Variants in EXT2 observed in about 807,000 individuals in gnomAD.
EXT2 encodes exostosin glycosyltransferase 2, also known as exostosin-2.
EXT2 carries 53 observed loss-of-function variants against 81.6 expected under a neutral mutation model. The observed-to-expected ratio is 0.65, with a 90% CI of 0.52 to 0.82. EXT2 has a LOEUF of 0.82. Ranked by LOEUF, EXT2 falls within the 40% of genes least tolerant of loss-of-function variation. EXT2 has a pLI of 0.00. For missense variants in EXT2, 774 were observed against 910.2 expected, an observed-to-expected ratio of 0.85 and a Z score of 1.93; for synonymous variants, 320 against 340.0, an observed-to-expected ratio of 0.94 and a Z score of 0.65.
intron 4 of EXT2, among the ~76,000 whole-genome samples, chr11:44,121,085 T>A (rs1954308923): frequency 6.6e-6 from 1 of 152,208 alleles, no homozygotes; most frequent in Admixed American, 6.5e-5. Context: ...TGTTCACATC[T>A]ACACTTGTTC....
chr11:44,185,362 T>C (rs1272559252), intron 8 of EXT2, among the ~76,000 whole-genome samples: 1 of 152,216 alleles, frequency 6.6e-6, no homozygotes, highest in Non-Finnish European at 1.5e-5. Flanking sequence ...GCTGTATATT[T>C]AAAATAATTT....
At chr11:44,161,853 A>C (rs781128201) in intron 7 of EXT2, among the ~76,000 whole-genome samples, 2 of 152,200 alleles carry the variant, frequency 1.3e-5, no homozygotes, top group Non-Finnish European at 2.9e-5. Flanking sequence ...AAAATCTATA[A>C]CCTCAATCTA....
At chr11:44,205,603 G>A (rs1955572899) in intron 9 of EXT2, among the ~76,000 whole-genome samples, 1 of 152,162 alleles carries the variant, frequency 6.6e-6, no homozygotes, top group Non-Finnish European at 1.5e-5. Context: ...CCCTGGGAGT[G>A]CCCCCAACAA....
chr11:44,183,783 T>C (rs145089246), intron 8 of EXT2, among the ~76,000 whole-genome samples: 1 of 152,352 alleles, frequency 6.6e-6, no homozygotes, highest in East Asian at 1.9e-4. Context: ...ATTTGATTAT[T>C]TTTCAAATCT....
chr11:44,179,714 C>T (rs539372249), intron 8 of EXT2, among the ~76,000 whole-genome samples: 48 of 152,046 alleles, frequency 3.2e-4, no homozygotes, highest in Non-Finnish European at 1.3e-4. Context: ...ATTTTGTTTC[C>T]GTTTCTAATA....
At chr11:44,146,937 A>G (rs891619992) in intron 7 of EXT2, among the ~76,000 whole-genome samples, 1 of 152,252 alleles carries the variant, frequency 6.6e-6, no homozygotes, top group Non-Finnish European at 1.5e-5. Context: ...AATAAAAGCA[A>G]TTCTTCATTC....
rs1387305900 is a variant in EXT2, at chr11:44,124,999, T to C, written c.939+15T>C. 1.9e-6 allele frequency: 3 copies of C among 1,611,214 alleles called. No homozygotes were observed. The highest frequency in any genetic ancestry group is 2.5e-6 in the Non-Finnish European group (3 of 1,179,652). ...AGGTGCTACAGGTGAGTGTCATTCA[T>C]TACCTCTCGCAAAGGCTCAGGAGAG... is the stretch of plus-strand genomic sequence containing the variant. On this transcript the variant is annotated intron_variant, in intron 5 of 13. Transcript: ENST00000533608.
intron 8 of EXT2, among the ~76,000 whole-genome samples, chr11:44,174,307 T>C (rs1221802919): frequency 1.3e-5 from 2 of 152,196 alleles, no homozygotes; most frequent in Admixed American, 1.3e-4. Flanking sequence ...CTTGGTACTT[T>C]GAATGAACAA....
intron 10 of EXT2, among the ~76,000 whole-genome samples, chr11:44,226,858 G>C (rs569149217): frequency 4.3e-4 from 65 of 152,256 alleles, no homozygotes; most frequent in Non-Finnish European, 7.5e-4. Flanking sequence ...AATGGTTAAG[G>C]ATTGACCAAA....
At chr11:44,226,762 A>G (rs1188950493) in intron 10 of EXT2, among the ~76,000 whole-genome samples, 4 of 152,242 alleles carry the variant, frequency 2.6e-5, no homozygotes, top group Non-Finnish European at 5.9e-5. Context: ...ATGCTTTTGC[A>G]TATTGGATTC....
At chr11:44,209,806 G>A (rs1955626182) in intron 10 of EXT2, among the ~76,000 whole-genome samples, 1 of 152,100 alleles carries the variant, frequency 6.6e-6, no homozygotes, top group African/African-American at 2.4e-5. Flanking sequence ...GTACCTCTTT[G>A]TGAGCAAATA....
At chr11:44,126,695 G>T in intron 5 of EXT2, 121 bp from the exon 6 acceptor site, 2 of 1,244,180 alleles carry the variant, frequency 1.6e-6, no homozygotes, top group Non-Finnish European at 2.4e-6. Flanking sequence ...GCATTTTTGT[G>T]TCAAGATGCC....
chr11:44,100,836 C>T (rs2134947298), intron 1 of EXT2, among the ~76,000 whole-genome samples: 1 of 152,244 alleles, frequency 6.6e-6, no homozygotes, highest in East Asian at 1.9e-4. Context: ...GGTGGAGGCA[C>T]CGAGAACTTT....
intron 7 of EXT2, among the ~76,000 whole-genome samples, chr11:44,141,870 A>G (rs1954650514): frequency 6.6e-6 from 1 of 152,208 alleles, no homozygotes; most frequent in Non-Finnish European, 1.5e-5. Flanking sequence ...CTATTTGACA[A>G]ATATTTCTGA....
At chr11:44,142,765 A>T (rs1331533751) in intron 7 of EXT2, among the ~76,000 whole-genome samples, 1 of 152,204 alleles carries the variant, frequency 6.6e-6, no homozygotes, top group Non-Finnish European at 1.5e-5. Flanking sequence ...CCAGTGATAC[A>T]CTGAAGGGTC....
At chr11:44,188,393 GA>G (rs1955345959) in intron 8 of EXT2, among the ~76,000 whole-genome samples, 1 of 152,218 alleles carries the variant, frequency 6.6e-6, no homozygotes, top group Admixed American at 6.5e-5. Context: ...AAAGAGTAAA[GA>G]AGGAGTAAAC....
chr11:44,224,929 C>A (rs1364760256), intron 10 of EXT2, among the ~76,000 whole-genome samples: 2 of 152,132 alleles, frequency 1.3e-5, no homozygotes, highest in East Asian at 3.9e-4. Context: ...GTCTCTGTTT[C>A]CACTGGTTGT....
chr11:44,111,876 A>G (rs902725231), intron 3 of EXT2, among the ~76,000 whole-genome samples: 6 of 152,212 alleles, frequency 3.9e-5, no homozygotes, highest in Admixed American at 3.9e-4. Flanking sequence ...GTAACTAACT[A>G]TAATACTATT....
rs1956121360 is a variant in EXT2 at position 44,249,274 on chromosome 11, A to G, written c.*4987A>G. Among the ~76,000 whole-genome samples the G allele has an allele frequency of 6.6e-6, 1 of 152,200 alleles. No individual in the cohort carries two copies. Among genetic ancestry groups the G allele is most frequent in the South Asian group, 2.1e-4 (1 of 4,830 alleles). On this transcript the variant is annotated 3_prime_UTR_variant, in exon 14 of 14. Transcript: ENST00000533608. Reference sequence around the variant, plus strand: ...CAGCGTCCCAAAGTGTTGGGATTACAGGTGTGAACCACCATGCCTGGCCCA... The same window carrying G: ...CAGCGTCCCAAAGTGTTGGGATTACGGGTGTGAACCACCATGCCTGGCCCA...
Sources: allele counts gnomAD v4.1 joint callset (sites outside exome capture counted in the v4.1 genomes callset), GRCh38; gene constraint gnomAD v4.1.1; transcripts MANE v1.5; gene names NCBI Gene and HGNC (gene_info 2026-07-23, HGNC 2026-07-21).